Variants in PCDHA13 observed in about 807,000 individuals in gnomAD.
The protein encoded by PCDHA13 is protocadherin alpha-13.
In PCDHA13, 54 loss-of-function variants were observed where a neutral mutation model predicts 64.8. The observed-to-expected ratio is 0.83, with a 90% CI of 0.67 to 1.04. The LOEUF (loss-of-function observed/expected upper bound fraction) is 1.04, where lower values mean the gene tolerates loss of function less well. Ranked by LOEUF, PCDHA13 falls within the 50% of genes least tolerant of loss-of-function variation. The probability of loss-of-function intolerance (pLI) is 0.00; values close to 1 mark genes in which losing one functional copy is unlikely to be tolerated. For synonymous variants in PCDHA13, 587 were observed against 564.4 expected (o/e 1.04, Z -0.57); for missense variants, 1,248 against 1,254.3 (o/e 0.99, Z 0.08).
At chr5:140,890,526 ATCT>A (rs2062679933) in intron 1 of PCDHA13, among the ~76,000 whole-genome samples, 1 of 151,278 alleles carries the variant, frequency 6.6e-6, no homozygotes, top group Admixed American at 6.6e-5. Flanking sequence ...TCCTTTGTTG[ATCT>A]TCTTTTGAAA....
At position 140,884,272 on chromosome 5, in the gene PCDHA13, G is replaced by A. The variant is rs1554181402; in HGVS notation, c.2004G>A (p.Ser668=). 6.2e-7 allele frequency: 1 copy of A among 1,613,574 alleles called. No homozygotes were observed. The highest frequency in any genetic ancestry group is 1.1e-5 in the South Asian group (1 of 91,052). Reference sequence around the variant, plus strand: ...CGGCCACGGCAACGGTGCTGTTGTCGCTGGTGGAGAGCGGCCAAGCGCCAC... The same window carrying A: ...CGGCCACGGCAACGGTGCTGTTGTCACTGGTGGAGAGCGGCCAAGCGCCAC... ...ALTATATVLL[S]LVESGQAPQA... is the part of the protein sequence containing the mutation. The change falls in exon 1 of 4, where the codon TCG becomes TCA. Residue 668 remains serine (S), a synonymous_variant. Transcript: ENST00000289272.
chr5:140,948,349 T>C (rs1262551459), intron 1 of PCDHA13, among the ~76,000 whole-genome samples: 2 of 151,624 alleles, frequency 1.3e-5, no homozygotes, highest in African/African-American at 4.8e-5. Context: ...ATTTCTAACC[T>C]AATAAAATGA....
chr5:140,884,699 C>A, intron 1 of PCDHA13, 37 bp downstream of exon 1: 3 of 1,500,334 alleles, frequency 2.0e-6, no homozygotes, highest in Non-Finnish European at 2.7e-6. Context: ...TTAGTAAACA[C>A]TTTAGCCTTC....
At chr5:140,965,288 T>C (rs1020237812) in intron 1 of PCDHA13, among the ~76,000 whole-genome samples, 5 of 152,216 alleles carry the variant, frequency 3.3e-5, no homozygotes, top group Non-Finnish European at 7.3e-5. Flanking sequence ...CATGGAAAGA[T>C]TTCCTCTGAT....
In PCDHA13 at chr5:140,998,188, AG is replaced by A. The variant is rs375338994; in HGVS notation, c.2543-11438del. On this transcript the variant is annotated intron_variant, in intron 3 of 3. Transcript: ENST00000289272. ...CAAGTATTATTCTAAGCACTTTACAAGTATTAACTCCTTTAATCTGTATAAC... is the reference window on the plus strand; with the variant it reads ...CAAGTATTATTCTAAGCACTTTACAATATTAACTCCTTTAATCTGTATAAC... Among the ~76,000 whole-genome samples, 972 of 152,318 alleles carry A rather than the reference AG, an allele frequency of 6.4e-3. 14 individuals are homozygous for A. Among genetic ancestry groups the A allele is most frequent in the African/African-American group, 0.023 (946 of 41,556 alleles).
intron 1 of PCDHA13, among the ~76,000 whole-genome samples, chr5:140,918,873 C>A (rs774088807): frequency 2.0e-5 from 3 of 152,166 alleles, no homozygotes; most frequent in Non-Finnish European, 4.4e-5. Flanking sequence ...AACTTTCAAG[C>A]CTCTAGAACA....
rs2096251050 is a variant in PCDHA13, at chr5:140,968,498, C to T, written c.2395-10451C>T. 3 of 1,614,190 alleles carry T rather than the reference C, an allele frequency of 1.9e-6. No individual in the cohort carries two copies. The highest frequency in any genetic ancestry group is 2.5e-6 in the Non-Finnish European group (3 of 1,180,042). The stretch of plus-strand genomic sequence containing the variant: ...GGTGGACATGAATGACCATGCCCCT[C>T]ACATTCTGTACCCTACCTCAACCAA... On this transcript the variant is annotated intron_variant, in intron 1 of 3. Coordinates refer to ENST00000289272, the MANE Select transcript of PCDHA13 (RefSeq NM_018904.3).
chr5:141,011,749 G>T lies in PCDHA13; in HGVS notation c.*1812G>T, dbSNP rs782567787. 1.2e-4 allele frequency: 18 copies of T among 153,636 alleles called. No homozygotes were observed. Among genetic ancestry groups the T allele is most frequent in the Non-Finnish European group, 2.5e-4 (17 of 68,010 alleles). 9.5% of individuals were successfully genotyped at this position (153,636 alleles called of 1,614,324 possible). A position where few individuals can be genotyped will look rare whatever the true frequency, so the allele number is the denominator to read the frequency against. On this transcript the variant is annotated 3_prime_UTR_variant, in exon 4 of 4. Coordinates refer to ENST00000289272, the MANE Select transcript of PCDHA13 (RefSeq NM_018904.3). ...GTGCAAGCACAAATTTTACCAATCT[G>T]ACCTCTTTGAAGTTGCAGAATGCTT...
Position 140,993,462 on chromosome 5 carries a change from T to A in PCDHA13, c.2542+10899T>A, listed in dbSNP as rs540334246. Among the ~76,000 whole-genome samples, 1,220 of 141,042 alleles carry A rather than the reference T, an allele frequency of 8.6e-3. 14 individuals carry two copies. The highest frequency in any genetic ancestry group is 0.02 in the African/African-American group (760 of 37,958). 92.5% of individuals were successfully genotyped at this position (141,042 alleles called of 152,430 possible). A position where few individuals can be genotyped will look rare whatever the true frequency, so the allele number is the denominator to read the frequency against. On this transcript the variant is annotated intron_variant, in intron 3 of 3. Coordinates refer to ENST00000289272, the MANE Select transcript of PCDHA13 (RefSeq NM_018904.3). ...CATTCCTGTTCTCCTTCTTTCTTTC[T>A]CACACACACACACACACACACACAC...
intron 1 of PCDHA13, among the ~76,000 whole-genome samples, chr5:140,899,014 T>C (rs2067098044): frequency 6.6e-6 from 1 of 151,934 alleles, no homozygotes. Context: ...TGTATAAGAA[T>C]GCTTGTGATT....
chr5:140,927,049 C>T (rs1554203972), intron 1 of PCDHA13: 5 of 1,611,932 alleles, frequency 3.1e-6, no homozygotes, highest in Non-Finnish European at 4.2e-6. Context: ...TATGTCCTCG[C>T]GGAACTTTCG....
chr5:140,902,010 G>A (rs187351122), intron 1 of PCDHA13, among the ~76,000 whole-genome samples: 56 of 152,092 alleles, frequency 3.7e-4, no homozygotes, highest in African/African-American at 1.3e-3. Context: ...TCACTGTTGG[G>A]ACATATAGAA....
intron 2 of PCDHA13, among the ~76,000 whole-genome samples, chr5:140,981,379 G>A (rs1387904235): frequency 1.3e-5 from 2 of 152,152 alleles, no homozygotes; most frequent in Admixed American, 1.3e-4. Flanking sequence ...TTCAAGACCA[G>A]CCTGGTCAAT....
At chr5:140,918,816 A>C (rs1178287306) in intron 1 of PCDHA13, among the ~76,000 whole-genome samples, 1 of 62,452 alleles carries the variant, frequency 1.6e-5, no homozygotes, top group Admixed American at 1.3e-4. Context: ...ATGAACCAAA[A>C]AGTGGCCCCC....
intron 3 of PCDHA13, among the ~76,000 whole-genome samples, chr5:140,991,068 T>A (rs1563570560): frequency 6.6e-6 from 1 of 152,216 alleles, no homozygotes; most frequent in Admixed American, 6.5e-5. Flanking sequence ...ATTATTCCCA[T>A]GTTTCAGATA....
At chr5:140,926,972 C>A (rs782504064) in intron 1 of PCDHA13, 2 of 1,609,464 alleles carry the variant, frequency 1.2e-6, no homozygotes. Flanking sequence ...TACTCAGTGC[C>A]GGAGGAGACG....
At chr5:140,929,294 G>A in intron 1 of PCDHA13, 1 of 1,594,058 alleles carries the variant, frequency 6.3e-7, no homozygotes, top group Non-Finnish European at 8.6e-7. Flanking sequence ...ATTCGGAATA[G>A]GAAAGGGGAT....
At chr5:141,009,584 AT>A in intron 3 of PCDHA13, 42 bp from the exon 4 acceptor site, 1 of 1,592,004 alleles carries the variant, frequency 6.3e-7, no homozygotes, top group Non-Finnish European at 8.6e-7. Flanking sequence ...CATCAAGAGC[AT>A]GTGTTGACCC....
At chr5:140,975,876 A>G (rs573852863) in intron 1 of PCDHA13, among the ~76,000 whole-genome samples, 1 of 152,230 alleles carries the variant, frequency 6.6e-6, no homozygotes, top group South Asian at 2.1e-4. Context: ...TACCTAATTG[A>G]TTTTTTCCAC....
Sources: gnomAD v4.1 joint callset for allele counts (sites outside exome capture counted in the v4.1 genomes callset) on GRCh38, gnomAD v4.1.1 for gene constraint, MANE v1.5 for transcripts, NCBI Gene and HGNC (gene_info 2026-07-23, HGNC 2026-07-21) for gene names.